SMC2: variants seen among roughly 807,000 people sequenced by gnomAD.
SMC2 encodes structural maintenance of chromosomes 2, also known as structural maintenance of chromosomes protein 2.
A neutral mutation model predicts 142.6 loss-of-function variants in SMC2; 41 were observed. The observed-to-expected ratio is 0.29, with a 90% CI of 0.22 to 0.37. The LOEUF (loss-of-function observed/expected upper bound fraction) is 0.37. SMC2 is among the 10% of genes least tolerant of loss of function. The pLI, the probability that SMC2 is intolerant of heterozygous loss-of-function variation, is 1.00. For missense variants in SMC2, 1,265 were observed against 1,373.7 expected (o/e 0.92, Z 1.25); for synonymous variants, 463 against 457.5 (o/e 1.01, Z -0.15).
upstream of SMC2, among the ~76,000 whole-genome samples, chr9:104,091,486 AG>A (rs1829980993): frequency 6.6e-6 from 1 of 152,208 alleles, no homozygotes; most frequent in South Asian, 2.1e-4. Context: ...GTATTCAAAA[AG>A]TGCTGCCAGG....
chr9:104,135,660 G>T (rs1179518368), intron 23 of SMC2, among the ~76,000 whole-genome samples: 1 of 152,142 alleles, frequency 6.6e-6, no homozygotes. Context: ...GAAAACCAGT[G>T]ATAGGAGAAG....
intron 23 of SMC2, among the ~76,000 whole-genome samples, chr9:104,137,269 A>C (rs1218880048): frequency 6.6e-6 from 1 of 152,148 alleles, no homozygotes; most frequent in African/African-American, 2.4e-5. Flanking sequence ...AATGTTAAGT[A>C]ATTATACATA....
chr9:104,092,899 G>A (rs1172486526), upstream of SMC2: 7 of 152,164 alleles, frequency 4.6e-5, no homozygotes, highest in East Asian at 9.7e-4. Context: ...CCGAACTGAC[G>A]GTTTTAGCAA....
At position 104,138,162 on chromosome 9, in the gene SMC2, T is replaced by C; in HGVS notation, c.3414T>C (p.Ser1138=). The change falls in exon 24 of 25, where the codon TCT becomes TCC. Residue 1138 remains serine, a synonymous_variant. Coordinates refer to ENST00000374793, the MANE Select transcript of SMC2 (RefSeq NM_006444.3). Reference sequence around the variant, plus strand: ...TGCTGCGTACTCATTTCACACATTCTCAGGTAAGAACCAGGAAAAAAAGTC... The same window carrying C: ...TGCTGCGTACTCATTTCACACATTCCCAGGTAAGAACCAGGAAAAAAAGTC... ...GQMLRTHFTH[S]QFIVVSLKEG... 1 of 1,597,152 alleles carries C rather than the reference T, an allele frequency of 6.3e-7. No individual in the cohort carries two copies. The highest frequency in any genetic ancestry group is 8.5e-7 in the Non-Finnish European group (1 of 1,169,594).
chr9:104,132,725 T>A (rs919602385), intron 22 of SMC2, among the ~76,000 whole-genome samples: 2 of 152,132 alleles, frequency 1.3e-5, no homozygotes, highest in Admixed American at 1.3e-4. Context: ...TTTTCTTCTC[T>A]AAGACTTATT....
chr9:104,112,037 T>TATC (rs1329675847), intron 10 of SMC2, among the ~76,000 whole-genome samples: 1 of 152,240 alleles, frequency 6.6e-6, no homozygotes, highest in Non-Finnish European at 1.5e-5. Flanking sequence ...CTACATAAAT[T>TATC]ATCTTAATTC....
At chr9:104,123,278 C>A in intron 17 of SMC2, 46 bp downstream of exon 17, 1 of 1,581,632 alleles carries the variant, frequency 6.3e-7, no homozygotes, top group Non-Finnish European at 8.6e-7. Context: ...TTATTCATAT[C>A]CGTTACCTTA....
intron 20 of SMC2, among the ~76,000 whole-genome samples, chr9:104,128,971 T>TA (rs1242152027): frequency 1.3e-5 from 2 of 152,170 alleles, no homozygotes; most frequent in African/African-American, 4.8e-5. Flanking sequence ...TAGCTTCTCA[T>TA]AAGTTGTGTT....
At chr9:104,123,314 T>C in intron 17 of SMC2, 82 bp downstream of exon 17, 2 of 1,389,848 alleles carry the variant, frequency 1.4e-6, no homozygotes, top group South Asian at 1.4e-5. Context: ...CTACCTGTGC[T>C]ATGTTTAAGA....
intron 22 of SMC2, among the ~76,000 whole-genome samples, chr9:104,133,627 T>C (rs1041840235): frequency 6.6e-6 from 1 of 152,176 alleles, no homozygotes; most frequent in Non-Finnish European, 1.5e-5. Flanking sequence ...AGTCATGTCT[T>C]TGAAGACAGA....
At chr9:104,109,980 TATA>T (rs535945020) in intron 9 of SMC2, among the ~76,000 whole-genome samples, 15 of 152,326 alleles carry the variant, frequency 9.8e-5, no homozygotes, top group African/African-American at 3.4e-4. Context: ...ACTACACTAT[TATA>T]ATAATTTTGT....
upstream of SMC2, among the ~76,000 whole-genome samples, chr9:104,091,890 CAG>C (rs1346405905): frequency 6.6e-6 from 1 of 152,040 alleles, no homozygotes; most frequent in African/African-American, 2.4e-5. Flanking sequence ...TATAAGGACT[CAG>C]ACTCCACTAG....
chr9:104,127,505 T>C (rs1369515284), intron 20 of SMC2, 25 bp downstream of exon 20: 1 of 1,467,014 alleles, frequency 6.8e-7, no homozygotes, highest in Non-Finnish European at 9.1e-7. Flanking sequence ...GCATTTTTTA[T>C]ACTAAATCAA....
chr9:104,109,795 T>G (rs2131370420), intron 9 of SMC2, among the ~76,000 whole-genome samples: 1 of 152,224 alleles, frequency 6.6e-6, no homozygotes, highest in East Asian at 1.9e-4. Flanking sequence ...CAAAATATAT[T>G]TAGGTACTAG....
chr9:104,128,359 A>G (rs906470979), intron 20 of SMC2, among the ~76,000 whole-genome samples: 1 of 152,202 alleles, frequency 6.6e-6, no homozygotes, highest in South Asian at 2.1e-4. Context: ...CTGAAATACT[A>G]CCAATGGCAA....
At chr9:104,124,834 C>T (rs1399952826) in intron 17 of SMC2, 78 bp from the exon 18 acceptor site, 2 of 1,109,340 alleles carry the variant, frequency 1.8e-6, no homozygotes, top group Non-Finnish European at 2.6e-6. Flanking sequence ...TTTTCCAAAC[C>T]ATTTCTTCTA....
chr9:104,136,016 T>TA (rs1835496160), intron 23 of SMC2: 1 of 468,164 alleles, frequency 2.1e-6, no homozygotes, highest in Admixed American at 2.4e-5. Context: ...CTCCTGACCT[T>TA]ACACAGTGAT....
At chr9:104,107,104 G>T (rs1435943189) in intron 9 of SMC2, among the ~76,000 whole-genome samples, 3 of 152,130 alleles carry the variant, frequency 2.0e-5, no homozygotes, top group Non-Finnish European at 4.4e-5. Flanking sequence ...GTCCCTTGGG[G>T]TTCCAACTGG....
At chr9:104,097,395 G>A (rs565046469) in intron 3 of SMC2, among the ~76,000 whole-genome samples, 62 of 139,302 alleles carry the variant, frequency 4.5e-4, no homozygotes, top group Non-Finnish European at 1.9e-4. Context: ...TGTGAGCCAC[G>A]GCGCCTGGCC....
Sources: gnomAD v4.1 joint callset for allele counts (sites outside exome capture counted in the v4.1 genomes callset) on GRCh38, gnomAD v4.1.1 for gene constraint, MANE v1.5 for transcripts, NCBI Gene and HGNC (gene_info 2026-07-23, HGNC 2026-07-21) for gene names.